JPH3: variants seen among roughly 807,000 people sequenced by gnomAD.
The protein encoded by JPH3 is junctophilin 3.
In JPH3, 11 loss-of-function variants were observed where a neutral mutation model predicts 59.6. That is an observed-to-expected ratio of 0.18 (90% CI 0.12 to 0.31). JPH3 has a LOEUF of 0.31. JPH3 is among the 10% of genes least tolerant of loss of function. The probability of loss-of-function intolerance (pLI) is 1.00; values close to 1 mark genes in which losing one functional copy is unlikely to be tolerated. For synonymous variants in JPH3, 673 were observed against 483.6 expected (o/e 1.39, Z -5.14); for missense variants, 1,202 against 1,105.7 (o/e 1.09, Z -1.24).
At chr16:87,683,170 G>C (rs373406504) in intron 2 of JPH3, among the ~76,000 whole-genome samples, 23 of 152,336 alleles carry the variant, frequency 1.5e-4, no homozygotes, top group Admixed American at 1.4e-3. Context: ...AGGTGGTCCC[G>C]CAACCCACAC....
intron 2 of JPH3, among the ~76,000 whole-genome samples, chr16:87,675,507 C>A (rs1567610026): frequency 6.6e-6 from 1 of 152,166 alleles, no homozygotes; most frequent in Non-Finnish European, 1.5e-5. Context: ...GGCAGATGAG[C>A]CCAGCAGACA....
Position 87,683,927 on chromosome 16 carries a change from C to G in JPH3, c.1161-215C>G, listed in dbSNP as rs1405205580. ...TGCCCAGAGGTGTTTTCAAGCATGT[C>G]CTGTGCACTGGGCCTGGTTGGTTGA... On this transcript the variant is annotated intron_variant, in intron 2 of 4. Coordinates refer to ENST00000284262, the MANE Select transcript of JPH3 (RefSeq NM_020655.4). 4 of 569,154 alleles carry G rather than the reference C, an allele frequency of 7.0e-6. No individual in the cohort carries two copies. The African/African-American group carries it at 7.5e-5, about 11-fold the overall frequency. 35.3% of individuals were successfully genotyped at this position (569,154 alleles called of 1,614,324 possible). A position where few individuals can be genotyped will look rare whatever the true frequency, so the allele number is the denominator to read the frequency against.
At chr16:87,615,007 G>A (rs1449131276) in intron 1 of JPH3, among the ~76,000 whole-genome samples, 2 of 141,742 alleles carry the variant, frequency 1.4e-5, no homozygotes, top group Admixed American at 1.4e-4. Context: ...ATAAACGCTG[G>A]TCCCTGCACA....
intron 4 of JPH3, among the ~76,000 whole-genome samples, chr16:87,692,906 C>A (rs371573447): frequency 6.6e-6 from 1 of 152,226 alleles, no homozygotes; most frequent in Non-Finnish European, 1.5e-5. Context: ...CTGACCACCC[C>A]ACTCTGTCCT....
intron 1 of JPH3, among the ~76,000 whole-genome samples, chr16:87,630,545 T>C (rs1332132239): frequency 6.6e-6 from 1 of 152,204 alleles, no homozygotes; most frequent in African/African-American, 2.4e-5. Flanking sequence ...TTAGTTTCTG[T>C]GGCTGGAAAA....
intron 3 of JPH3, chr16:87,684,552 A>C (rs1597289515): frequency 7.4e-6 from 3 of 404,290 alleles, no homozygotes; most frequent in South Asian, 2.8e-5. Flanking sequence ...GTGAATTCCC[A>C]CCTGCCCAGC....
chr16:87,690,096 C>G lies in JPH3; in HGVS notation c.1736C>G (p.Pro579Arg), dbSNP rs1466880630. The G allele has an allele frequency of 3.8e-6, 6 of 1,573,344 alleles. No individual in the cohort carries two copies. In the East Asian group the frequency reaches 1.4e-4, roughly 38 times the overall value. Residue 579 changes from proline (P) to arginine (R), a missense_variant, in exon 4 of 5, where the codon CCC becomes CGC. Pro to Arg is a moderately radical substitution (Grantham distance 103). Coordinates refer to ENST00000284262, the MANE Select transcript of JPH3 (RefSeq NM_020655.4). ...PKPRERRTESPPVFTWTSHHR... is the reference protein window; with the variant it reads ...PKPRERRTESRPVFTWTSHHR... ...CCGCGGGAGCGGCGGACGGAGTCACCCCCCGTGTTCACGTGGACTTCCCAC... is the reference window on the plus strand; with the variant it reads ...CCGCGGGAGCGGCGGACGGAGTCACGCCCCGTGTTCACGTGGACTTCCCAC...
chr16:87,696,170 C>G (rs1287753748), intron 4 of JPH3: 4 of 455,224 alleles, frequency 8.8e-6, no homozygotes, highest in Non-Finnish European at 1.8e-5. Context: ...GCCATGCGGG[C>G]CCTTCTGAGA....
intron 2 of JPH3, among the ~76,000 whole-genome samples, chr16:87,652,088 C>T (rs1247682319): frequency 1.3e-5 from 2 of 152,212 alleles, no homozygotes; most frequent in African/African-American, 4.8e-5. Flanking sequence ...CATTCTCCTG[C>T]CTCAGCCTCC....
intron 1 of JPH3, among the ~76,000 whole-genome samples, chr16:87,622,100 A>AG (rs111698332): frequency 2.0e-5 from 3 of 147,780 alleles, no homozygotes; most frequent in South Asian, 2.2e-4. Context: ...TCCAGGTGTC[A>AG]GGGGGGGGCC....
Position 87,697,755 on chromosome 16 carries a change from A to T in JPH3, c.*1095A>T, listed in dbSNP as rs2033953488. The T allele has an allele frequency of 6.6e-6, 1 of 152,256 alleles. No individual in the cohort carries two copies. The highest frequency in any genetic ancestry group is 6.5e-5 in the Admixed American group (1 of 15,286). 9.4% of individuals were successfully genotyped at this position (152,256 alleles called of 1,614,324 possible). ...GGCTTGAAACTTCCTGAGAAACTGT[A>T]GCATATCCAGCCCCCTAAAATGTAC... is the stretch of plus-strand genomic sequence containing the variant. On this transcript the variant is annotated 3_prime_UTR_variant, in exon 5 of 5. Coordinates refer to ENST00000284262, the MANE Select transcript of JPH3 (RefSeq NM_020655.4).
At chr16:87,660,187 G>A (rs565356440) in intron 2 of JPH3, among the ~76,000 whole-genome samples, 25 of 152,316 alleles carry the variant, frequency 1.6e-4, no homozygotes, top group African/African-American at 5.5e-4. Flanking sequence ...CTAGCTGTGC[G>A]TCTCAGTAAT....
chr16:87,607,117 G>A (rs1464238518), intron 1 of JPH3, among the ~76,000 whole-genome samples: 8 of 152,134 alleles, frequency 5.3e-5, no homozygotes, highest in Admixed American at 2.0e-4. Flanking sequence ...TCTCTTGTGC[G>A]TACAGTGGCC....
At position 87,642,279 on chromosome 16, in the gene JPH3, C is replaced by T. The variant is rs558669577; in HGVS notation, c.383-1979C>T. Among the ~76,000 whole-genome samples, 35 of 152,068 alleles carry T rather than the reference C, an allele frequency of 2.3e-4. 1 individual carries two copies. Among genetic ancestry groups the T allele is most frequent in the Admixed American group, 1.8e-3 (28 of 15,284 alleles). ...GGCAGTGGGGAGTGGAGGGCTGCTT[C>T]GCTCCGAGAGATGGCGGCACCTGCC... is the stretch of plus-strand genomic sequence containing the variant. On this transcript the variant is annotated intron_variant, in intron 1 of 4. Transcript: ENST00000284262.
chr16:87,697,091 A>G lies in JPH3; in HGVS notation c.*431A>G, dbSNP rs2033904360. ...CTGACTCCCGTCGACACGAGCTTAG[A>G]AAGTGGATTCACTGCTTTCTCTGTC... On this transcript the variant is annotated 3_prime_UTR_variant, in exon 5 of 5. Coordinates refer to ENST00000284262, the MANE Select transcript of JPH3 (RefSeq NM_020655.4). 1 of 265,766 alleles carries G rather than the reference A, an allele frequency of 3.8e-6. No individual in the cohort carries two copies. The highest frequency in any genetic ancestry group is 7.4e-6 in the Non-Finnish European group (1 of 135,736). The allele number at this position is 265,766 out of a possible 1,614,324, so 16.5% of individuals were successfully genotyped here. A position where few individuals can be genotyped will look rare whatever the true frequency, so the allele number is the denominator to read the frequency against.
At chr16:87,685,448 CCT>C (rs1343724728) in intron 3 of JPH3, among the ~76,000 whole-genome samples, 2 of 152,264 alleles carry the variant, frequency 1.3e-5, no homozygotes, top group Admixed American at 6.5e-5. Flanking sequence ...GCCCTCAGGC[CCT>C]GAGTTTCCTT....
intron 1 of JPH3, among the ~76,000 whole-genome samples, chr16:87,621,907 G>A (rs998128231): frequency 1.3e-5 from 2 of 152,192 alleles, no homozygotes; most frequent in Non-Finnish European, 2.9e-5. Flanking sequence ...ATGCGGAGAT[G>A]GGTCAAGAAG....
At chr16:87,661,118 C>T (rs1004573272) in intron 2 of JPH3, among the ~76,000 whole-genome samples, 1 of 152,208 alleles carries the variant, frequency 6.6e-6, no homozygotes, top group South Asian at 2.1e-4. Context: ...CCTTTCCCAG[C>T]TTCCAGAGGC....
At position 87,603,352 on chromosome 16, in the gene JPH3, A is replaced by G. The variant is rs2030339364; in HGVS notation, c.206A>G (p.Lys69Arg). The G allele has an allele frequency of 1.2e-6, 2 of 1,612,496 alleles. No homozygotes were observed. Among genetic ancestry groups the G allele is most frequent in the Non-Finnish European group, 1.7e-6 (2 of 1,179,458 alleles). ...NTYQGTWAQGKRHGIGLESKG... is the reference protein window; with the variant it reads ...NTYQGTWAQGRRHGIGLESKG... ...TACCAGGGCACCTGGGCGCAGGGCA[A>G]GCGCCACGGCATCGGCCTGGAGAGC... Residue 69 changes from lysine (K) to arginine (R), a missense_variant, in exon 1 of 5, where the codon AAG (lysine) becomes AGG (arginine). Physicochemically the swap from Lys to Arg is conservative, Grantham distance 26. Transcript: ENST00000284262.
Sources: gnomAD v4.1 joint callset for allele counts (sites outside exome capture counted in the v4.1 genomes callset) on GRCh38, gnomAD v4.1.1 for gene constraint, MANE v1.5 for transcripts, NCBI Gene and HGNC (gene_info 2026-07-23, HGNC 2026-07-21) for gene names.